SND1: variants seen among roughly 807,000 people sequenced by gnomAD.
SND1 encodes the protein staphylococcal nuclease domain-containing protein 1.
SND1 carries 38 observed loss-of-function variants against 121.7 expected under a neutral mutation model. The ratio of observed to expected loss-of-function variants is 0.31; its 90% confidence interval spans 0.24 to 0.41. The LOEUF (loss-of-function observed/expected upper bound fraction) is 0.41. SND1 is among the 10% of genes least tolerant of loss of function. The probability of loss-of-function intolerance (pLI) is 1.00; values close to 1 mark genes in which losing one functional copy is unlikely to be tolerated. For synonymous variants in SND1, 401 were observed against 447.4 expected (o/e 0.90, Z 1.31); for missense variants, 868 against 1,184.6 (o/e 0.73, Z 3.92).
At chr7:127,920,897 G>GGC (rs1251203788) in intron 14 of SND1, among the ~76,000 whole-genome samples, 35 of 150,430 alleles carry the variant, frequency 2.3e-4, no homozygotes, top group Non-Finnish European at 2.7e-4. Flanking sequence ...ATAAGCCAAG[G>GGC]GCATTGTATT....
chr7:128,062,925 G>A (rs954597909), intron 16 of SND1, among the ~76,000 whole-genome samples: 7 of 152,292 alleles, frequency 4.6e-5, no homozygotes, highest in Admixed American at 3.9e-4. Context: ...CACCTGGCGG[G>A]TGACTTGTAG....
chr7:127,870,102 A>G (rs549581240), intron 12 of SND1, among the ~76,000 whole-genome samples: 1 of 152,258 alleles, frequency 6.6e-6, no homozygotes, highest in Admixed American at 6.5e-5. Context: ...ACTACTTACT[A>G]TCTCTGGGTC....
intron 10 of SND1, among the ~76,000 whole-genome samples, chr7:127,776,604 G>A (rs1002172751): frequency 2.0e-5 from 3 of 152,110 alleles, no homozygotes; most frequent in Admixed American, 2.0e-4. Flanking sequence ...ACTAATCAAA[G>A]GAGGTACATA....
In SND1 at chr7:128,029,449, G is replaced by A; in HGVS notation, c.1779+38393G>A. ...TCGTTGAGGACAGAGATCCTTGGGT[G>A]GCGGGAGGCGTGGCTGAGCACTGTC... On this transcript the variant is annotated intron_variant, in intron 16 of 23. Coordinates refer to ENST00000354725, the MANE Select transcript of SND1 (RefSeq NM_014390.4). This position sits in a 1 kb window ranked among gnomAD's most constrained non-coding sequence, Gnocchi z 4.2. 2 of 1,614,210 alleles carry A rather than the reference G, an allele frequency of 1.2e-6. No homozygotes were observed. Among genetic ancestry groups the A allele is most frequent in the Non-Finnish European group, 1.7e-6 (2 of 1,180,042 alleles).
In SND1 at chr7:128,001,242, G is replaced by C. The variant is rs763653769; in HGVS notation, c.1779+10186G>C. 2.2e-4 allele frequency among the ~76,000 whole-genome samples: 33 copies of C among 152,336 alleles called. No homozygotes were observed. The Middle Eastern group carries it at 0.01, about 47-fold the overall frequency. The stretch of plus-strand genomic sequence containing the variant: ...TACCCTAACCTGGTCAAAACAACAT[G>C]TTTCACATAGTGAGAAAGGAATAGC... On this transcript the variant is annotated intron_variant, in intron 16 of 23. Transcript: ENST00000354725.
chr7:127,864,001 C>T (rs1200985984), intron 12 of SND1, among the ~76,000 whole-genome samples: 4 of 152,148 alleles, frequency 2.6e-5, no homozygotes, highest in Non-Finnish European at 1.5e-5. Context: ...CAAGAAGTGT[C>T]TCTATTGATG....
intron 12 of SND1, among the ~76,000 whole-genome samples, chr7:127,860,481 C>T (rs1799356012): frequency 1.3e-5 from 2 of 152,172 alleles, no homozygotes; most frequent in South Asian, 4.1e-4. Flanking sequence ...TTAGTGATCT[C>T]CACCAGTTAA....
At chr7:127,851,294 C>A (rs1799161534) in intron 12 of SND1, among the ~76,000 whole-genome samples, 1 of 152,178 alleles carries the variant, frequency 6.6e-6, no homozygotes, top group Non-Finnish European at 1.5e-5. Context: ...TTGGGAAGCT[C>A]CCCCTTGTCA....
intron 10 of SND1, among the ~76,000 whole-genome samples, chr7:127,769,848 C>T (rs1797483938): frequency 6.6e-6 from 1 of 152,190 alleles, no homozygotes. Context: ...CTGGAGTGTG[C>T]ATTGCTTAAT....
intron 13 of SND1, among the ~76,000 whole-genome samples, chr7:127,899,519 G>A (rs1800185799): frequency 6.6e-6 from 1 of 152,220 alleles, no homozygotes; most frequent in South Asian, 2.1e-4. Flanking sequence ...AAGAAAATGG[G>A]CCTAATTGGA....
At position 127,701,133 on chromosome 7, in the gene SND1, A is replaced by C. The variant is rs371046963; in HGVS notation, c.429-30A>C. The C allele has an allele frequency of 3.1e-6, 5 of 1,611,472 alleles. No individual in the cohort carries two copies. The African/African-American group carries it at 6.7e-5, about 22-fold the overall frequency. On this transcript the variant is annotated intron_variant, in intron 4 of 23. Coordinates refer to ENST00000354725, the MANE Select transcript of SND1 (RefSeq NM_014390.4). ...TCGTATTTCTGTTTGTGAACTCACT[A>C]ACCACTCTTGTTTATTTTTTATGTC...
chr7:128,039,736 AT>A (rs1274805342), intron 16 of SND1, among the ~76,000 whole-genome samples: 3 of 152,172 alleles, frequency 2.0e-5, no homozygotes, highest in Non-Finnish European at 4.4e-5. Context: ...GCTAAAGTGC[AT>A]TTTCTCCAAA....
At chr7:128,057,705 C>T (rs1423635704) in intron 16 of SND1, among the ~76,000 whole-genome samples, 1 of 151,876 alleles carries the variant, frequency 6.6e-6, no homozygotes, top group Non-Finnish European at 1.5e-5. Flanking sequence ...AGAAACAAGA[C>T]TTGGGGATTG....
chr7:128,044,213 C>T (rs1428220539), intron 16 of SND1, among the ~76,000 whole-genome samples: 1 of 152,350 alleles, frequency 6.6e-6, no homozygotes, highest in Non-Finnish European at 1.5e-5. Context: ...TGTCGCCACA[C>T]TTGGGCCAAT....
chr7:127,736,250 A>C (rs1053376876), intron 10 of SND1, among the ~76,000 whole-genome samples: 1 of 152,250 alleles, frequency 6.6e-6, no homozygotes, highest in Non-Finnish European at 1.5e-5. Context: ...AAATTTGGGA[A>C]AATTTAAAGA....
chr7:127,705,001 A>G, intron 8 of SND1, 56 bp downstream of exon 8: 1 of 1,438,786 alleles, frequency 7.0e-7, no homozygotes, highest in Non-Finnish European at 9.8e-7. Context: ...ATCTTTAGGG[A>G]AAGAAATCTG....
chr7:127,885,610 C>T (rs974018532), intron 12 of SND1, among the ~76,000 whole-genome samples: 3 of 152,114 alleles, frequency 2.0e-5, no homozygotes, highest in Admixed American at 6.5e-5. Flanking sequence ...AGAGAAAGTG[C>T]CCTTGGTTTT....
intron 10 of SND1, among the ~76,000 whole-genome samples, chr7:127,767,124 C>G (rs1352055002): frequency 6.6e-6 from 1 of 152,126 alleles, no homozygotes; most frequent in Admixed American, 6.6e-5. Flanking sequence ...CATCCTACTT[C>G]TCATTTTTGT....
chr7:127,832,752 C>A (rs1798784951), intron 11 of SND1, among the ~76,000 whole-genome samples: 1 of 152,202 alleles, frequency 6.6e-6, no homozygotes, highest in African/African-American at 2.4e-5. Flanking sequence ...CGGACCGGTA[C>A]TGGTCCCTGG....
Sources: allele counts gnomAD v4.1 joint callset (sites outside exome capture counted in the v4.1 genomes callset), GRCh38; gene constraint gnomAD v4.1.1; non-coding constraint Gnocchi (gnomAD v3.1); transcripts MANE v1.5; gene names NCBI Gene and HGNC (gene_info 2026-07-23, HGNC 2026-07-21).